Variants in PRKCZ observed in about 807,000 individuals in gnomAD.
PRKCZ encodes protein kinase C zeta.
PRKCZ carries 33 observed loss-of-function variants against 79.5 expected under a neutral mutation model. The ratio of observed to expected loss-of-function variants is 0.41; its 90% CI spans 0.31 to 0.55. PRKCZ has a LOEUF of 0.55. PRKCZ is among the 20% of genes least tolerant of loss of function. PRKCZ has a pLI of 0.19. For synonymous variants in PRKCZ, 342 were observed against 320.9 expected (o/e 1.07, Z -0.70); for missense variants, 578 against 813.5 (o/e 0.71, Z 3.52).
rs1016279078 is a variant in PRKCZ at position 2,173,204 on chromosome 1, G to C, written c.1286-693G>C. ...GAATGGGTGTGGGGCAGGCAGGGCG[G>C]GCAGGTCACTCGCCGCTGGGATAAC... is the stretch of plus-strand genomic sequence containing the variant. On this transcript the variant is annotated intron_variant, in intron 13 of 17. Coordinates refer to ENST00000378567, the MANE Select transcript of PRKCZ (RefSeq NM_002744.6). The surrounding 1 kb of genome is among the most constrained non-coding windows in gnomAD (Gnocchi z 5.7). 6.6e-6 allele frequency among the ~76,000 whole-genome samples: 1 copy of C among 152,174 alleles called. No homozygotes were observed. The highest frequency in any genetic ancestry group is 2.1e-4 in the South Asian group (1 of 4,832).
intron 10 of PRKCZ, among the ~76,000 whole-genome samples, chr1:2,157,381 A>G (rs1371835295): frequency 6.6e-6 from 1 of 152,038 alleles, no homozygotes; most frequent in African/African-American, 2.4e-5. Flanking sequence ...GTTTGGGCAC[A>G]GCAAGCAGCT....
At chr1:2,099,468 C>G (rs1667088690) in intron 4 of PRKCZ, among the ~76,000 whole-genome samples, 1 of 151,354 alleles carries the variant, frequency 6.6e-6, no homozygotes, top group African/African-American at 2.4e-5. Context: ...GTGTGATGGA[C>G]ACAGGCGGCT....
At position 2,063,811 on chromosome 1, in the gene PRKCZ, G is replaced by A. The variant is rs144473704; in HGVS notation, c.334+4220G>A. 6.0e-3 allele frequency among the ~76,000 whole-genome samples: 890 copies of A among 148,716 alleles called. 12 individuals carry two copies. The highest frequency in any genetic ancestry group is 0.021 in the African/African-American group (846 of 40,400). The stretch of plus-strand genomic sequence containing the variant: ...TCTCATTTCCCTGGTGATAAGTGAT[G>A]TTGAGCATTTTTTCATGTGCCTGTT... On this transcript the variant is annotated intron_variant, in intron 4 of 17. Transcript: ENST00000378567.
upstream of PRKCZ, among the ~76,000 whole-genome samples, chr1:2,048,880 C>T (rs1659438523): frequency 6.6e-6 from 1 of 152,140 alleles, no homozygotes; most frequent in South Asian, 2.1e-4. Flanking sequence ...AAGAAAATGT[C>T]TGAGGCCGGG....
At chr1:2,063,364 G>A (rs1393014863) in intron 4 of PRKCZ, among the ~76,000 whole-genome samples, 5 of 152,240 alleles carry the variant, frequency 3.3e-5, no homozygotes, top group Admixed American at 1.3e-4. Flanking sequence ...TTAGGCTGGA[G>A]TTCAGTGGCA....
intron 10 of PRKCZ, among the ~76,000 whole-genome samples, chr1:2,158,096 G>A (rs959015503): frequency 5.9e-5 from 9 of 152,276 alleles, no homozygotes; most frequent in East Asian, 1.9e-4. Context: ...CGGAAGAGCC[G>A]GCGTGACCCG....
intron 4 of PRKCZ, among the ~76,000 whole-genome samples, chr1:2,100,428 C>G (rs2102579296): frequency 6.6e-6 from 1 of 152,334 alleles, no homozygotes; most frequent in African/African-American, 2.4e-5. Context: ...TCTCTGGAGT[C>G]CAGGTTTTGT....
chr1:2,082,088 C>T lies in PRKCZ; in HGVS notation c.334+22497C>T, dbSNP rs770042084. On this transcript the variant is annotated intron_variant, in intron 4 of 17. Transcript: ENST00000378567. This position sits in a 1 kb window ranked among gnomAD's most constrained non-coding sequence, Gnocchi z 4.4. Reference sequence around the variant, plus strand: ...GACTCCGAATAGGACACCACACAGTCGTGCCAAGAAGGCGCCTAAGTGTCT... The same window carrying T: ...GACTCCGAATAGGACACCACACAGTTGTGCCAAGAAGGCGCCTAAGTGTCT... Among the ~76,000 whole-genome samples the T allele has an allele frequency of 6.6e-5, 10 of 152,276 alleles. No individual in the cohort carries two copies. Among genetic ancestry groups the T allele is most frequent in the African/African-American group, 1.9e-4 (8 of 41,466 alleles).
At position 2,055,296 on chromosome 1, in the gene PRKCZ, GGA is replaced by G. The variant is rs200036430; in HGVS notation, c.72-143_72-142del. On this transcript the variant is annotated intron_variant, in intron 1 of 17. Transcript: ENST00000378567. ...GGTTAATGGTTCTATTTTGTGTGTGGGAGGGGGGAGGGGGTGGGGCTGTCATA... is the reference window on the plus strand; with the variant it reads ...GGTTAATGGTTCTATTTTGTGTGTGGGGGGGGAGGGGGTGGGGCTGTCATA... 863 of 992,118 alleles carry G rather than the reference GGA, an allele frequency of 8.7e-4. 16 individuals are homozygous for G. Among genetic ancestry groups the G allele is most frequent in the South Asian group, 5.6e-3 (313 of 55,912 alleles). 61.5% of individuals were successfully genotyped at this position (992,118 alleles called of 1,614,324 possible).
At chr1:2,097,561 C>T (rs564296712) in intron 4 of PRKCZ, among the ~76,000 whole-genome samples, 26 of 152,204 alleles carry the variant, frequency 1.7e-4, no homozygotes, top group Non-Finnish European at 2.9e-4. Context: ...TCCTGGAGCC[C>T]CGTGTTGTGT....
intron 4 of PRKCZ, among the ~76,000 whole-genome samples, chr1:2,068,004 C>T (rs971388206): frequency 6.6e-6 from 1 of 152,202 alleles, no homozygotes; most frequent in South Asian, 2.1e-4. Context: ...ACTCACAGCC[C>T]GAAATGCAGC....
intron 4 of PRKCZ, among the ~76,000 whole-genome samples, chr1:2,061,710 A>G (rs1660693043): frequency 6.6e-6 from 1 of 152,042 alleles, no homozygotes; most frequent in South Asian, 2.1e-4. Context: ...GTCCACCCGG[A>G]CGTGGGTTGG....
intron 4 of PRKCZ, among the ~76,000 whole-genome samples, chr1:2,065,717 C>A (rs892202452): frequency 2.8e-4 from 42 of 148,350 alleles, no homozygotes; most frequent in African/African-American, 9.9e-4. Flanking sequence ...TGTGGTCAAT[C>A]ATCCCTGCCT....
In PRKCZ at chr1:2,095,724, C is replaced by CCTCCTCTCCTTTCCGCTCCCCTCCT. The variant is rs1666349345; in HGVS notation, c.334+36137_334+36138insTCTCCTTTCCGCTCCCCTCCTCTCC. On this transcript the variant is annotated intron_variant, in intron 4 of 17. Transcript: ENST00000378567. ...GCTCCCCTCCCCTCCCCTCCTTTTC[C>CCTCCTCTCCTTTCCGCTCCCCTCCT]CTCCCCACCTTTCCGCTCCCCTCCT... Among the ~76,000 whole-genome samples, 8 of 141,780 alleles carry CCTCCTCTCCTTTCCGCTCCCCTCCT rather than the reference C, an allele frequency of 5.6e-5. 1 individual carries two copies. The highest frequency in any genetic ancestry group is 1.6e-4 in the African/African-American group (6 of 37,980). 93.0% of individuals were successfully genotyped at this position (141,780 alleles called of 152,430 possible). A position where few individuals can be genotyped will look rare whatever the true frequency, so the allele number is the denominator to read the frequency against.
chr1:2,096,348 C>T (rs1666506864), intron 4 of PRKCZ, among the ~76,000 whole-genome samples: 1 of 152,056 alleles, frequency 6.6e-6, no homozygotes, highest in Non-Finnish European at 1.5e-5. Context: ...CCGAGAGAGG[C>T]CCAGCCGCCA....
chr1:2,069,359 G>A (rs566552391), intron 4 of PRKCZ, among the ~76,000 whole-genome samples: 1 of 152,188 alleles, frequency 6.6e-6, no homozygotes, highest in Non-Finnish European at 1.5e-5. Flanking sequence ...GGCAGGGAGG[G>A]TCCTGGGCAA....
intron 4 of PRKCZ, among the ~76,000 whole-genome samples, chr1:2,076,768 T>C (rs1479506914): frequency 6.6e-6 from 1 of 151,544 alleles, no homozygotes; most frequent in East Asian, 1.9e-4. Flanking sequence ...GGAAAAGCTT[T>C]ATTCAAAAGA....
At chr1:2,048,838 C>A (rs1213552176), upstream of PRKCZ, among the ~76,000 whole-genome samples, 2 of 152,164 alleles carry the variant, frequency 1.3e-5, no homozygotes, top group Non-Finnish European at 2.9e-5. Flanking sequence ...TGTGAGCCTT[C>A]CCAGGAGGGG....
intron 4 of PRKCZ, among the ~76,000 whole-genome samples, chr1:2,121,719 G>A (rs988921286): frequency 3.3e-4 from 20 of 60,846 alleles, no homozygotes; most frequent in African/African-American, 1.5e-3. Context: ...GGTAGTTAGG[G>A]TCACGGCGGT....
Sources: gnomAD v4.1 joint callset for allele counts (sites outside exome capture counted in the v4.1 genomes callset) on GRCh38, gnomAD v4.1.1 for gene constraint, Gnocchi (gnomAD v3.1) non-coding constraint, MANE v1.5 for transcripts, NCBI Gene and HGNC (gene_info 2026-07-23, HGNC 2026-07-21) for gene names.